ST3GAL1: variants seen among roughly 807,000 people sequenced by gnomAD.
The protein encoded by ST3GAL1 is CMP-N-acetylneuraminate-beta-galactosamide-alpha-2,3-sialyltransferase 1.
Under a neutral mutation model 34.1 loss-of-function variants are expected in ST3GAL1, and 16 were observed. The ratio of observed to expected loss-of-function variants is 0.47; its 90% CI spans 0.32 to 0.71. ST3GAL1 has a LOEUF of 0.71. ST3GAL1 is among the 30% of genes least tolerant of loss of function. ST3GAL1 has a pLI of 0.04. For missense variants in ST3GAL1, 353 were observed against 447.4 expected (o/e 0.79, Z 1.90); for synonymous variants, 191 against 184.7 (o/e 1.03, Z -0.28).
intron 2 of ST3GAL1, among the ~76,000 whole-genome samples, chr8:133,510,402 C>T (rs918177839): frequency 1.3e-5 from 2 of 152,136 alleles, no homozygotes; most frequent in African/African-American, 4.8e-5. Flanking sequence ...TGCTGCACAT[C>T]GTTAGAGAGG....
At chr8:133,485,373 G>A (rs1816544790) in intron 3 of ST3GAL1, among the ~76,000 whole-genome samples, 1 of 152,208 alleles carries the variant, frequency 6.6e-6, no homozygotes, top group Admixed American at 6.5e-5. Context: ...CCTCCAGGCA[G>A]CGGGGCAGCT....
At chr8:133,534,825 A>C (rs2978022) in intron 2 of ST3GAL1, among the ~76,000 whole-genome samples, 113,674 of 152,132 alleles carry the variant, frequency 0.75, 42,986 homozygotes, top group Middle Eastern at 0.87. Flanking sequence ...ACACACTGCA[A>C]CAGCCTTCAG....
At chr8:133,470,861 C>T (rs1300616948) in intron 5 of ST3GAL1, among the ~76,000 whole-genome samples, 1 of 152,182 alleles carries the variant, frequency 6.6e-6, no homozygotes, top group Non-Finnish European at 1.5e-5. Context: ...CCTCACCTCA[C>T]CCTGCACTCG....
intron 2 of ST3GAL1, among the ~76,000 whole-genome samples, chr8:133,519,621 C>T (rs539488939): frequency 2.0e-5 from 3 of 152,120 alleles, no homozygotes; most frequent in African/African-American, 4.8e-5. Context: ...GGGAAGTGTC[C>T]GAGAGATACA....
At chr8:133,547,262 C>T (rs1181420856) in intron 1 of ST3GAL1, among the ~76,000 whole-genome samples, 3 of 151,932 alleles carry the variant, frequency 2.0e-5, no homozygotes, top group African/African-American at 7.3e-5. Flanking sequence ...CTCTCTCTTG[C>T]TGCTGAGAAT....
chr8:133,462,898 T>C (rs572979881), intron 8 of ST3GAL1, among the ~76,000 whole-genome samples: 29 of 152,302 alleles, frequency 1.9e-4, no homozygotes, highest in Middle Eastern at 6.8e-3. Flanking sequence ...TTTCCTGACC[T>C]CTCCGAGCCT....
intron 1 of ST3GAL1, among the ~76,000 whole-genome samples, chr8:133,551,617 AGAGC>A (rs1041762436): frequency 2.8e-5 from 4 of 141,758 alleles, no homozygotes; most frequent in Admixed American, 7.4e-5. Context: ...AAAGAAAGAA[AGAGC>A]GAGCAAGCCT....
chr8:133,464,349 G>A lies in ST3GAL1; in HGVS notation c.683+429C>T, dbSNP rs180871323. 6.4e-4 allele frequency among the ~76,000 whole-genome samples: 98 copies of A among 152,286 alleles called. 2 individuals carry two copies. The East Asian group carries it at 0.018, about 27-fold the overall frequency. On this transcript the variant is annotated intron_variant, in intron 7 of 9. Transcript: ENST00000522652. Reference sequence around the variant, plus strand: ...TCAGCACTGCTTGCCCTGGGGAGGGGCCCAGGCTGCACCTGCACTCCCCAC... The same window carrying A: ...TCAGCACTGCTTGCCCTGGGGAGGGACCCAGGCTGCACCTGCACTCCCCAC...
In ST3GAL1 at chr8:133,465,914, G is replaced by A; in HGVS notation, c.483C>T (p.Asp161=). 2 of 1,614,094 alleles carry A rather than the reference G, an allele frequency of 1.2e-6. No individual in the cohort carries two copies. The highest frequency in any genetic ancestry group is 1.1e-5 in the South Asian group (1 of 91,084). The part of the protein sequence containing the change: ...LRESSYGPEI[D]SHDFVLRMNK... Reference sequence around the variant, plus strand: ...CTCACCTGAGGACAAAGTCGTGACTGTCTATCTCAGGCCCATAAGAAGACT... The same window carrying A: ...CTCACCTGAGGACAAAGTCGTGACTATCTATCTCAGGCCCATAAGAAGACT... Residue 161 remains aspartate, a synonymous_variant, in exon 6 of 10, where the codon GAC becomes GAT. Coordinates refer to ENST00000522652, the MANE Select transcript of ST3GAL1 (RefSeq NM_173344.3).
At chr8:133,480,601 C>G (rs1036527298) in intron 3 of ST3GAL1, among the ~76,000 whole-genome samples, 1 of 152,158 alleles carries the variant, frequency 6.6e-6, no homozygotes, top group Non-Finnish European at 1.5e-5. Flanking sequence ...CCCCAAGCCA[C>G]CAGGAGAGGT....
intron 3 of ST3GAL1, among the ~76,000 whole-genome samples, chr8:133,490,868 G>A (rs974817084): frequency 1.3e-5 from 2 of 152,190 alleles, no homozygotes; most frequent in Non-Finnish European, 2.9e-5. Context: ...GGAGTCTAGA[G>A]AGTGGCCCGG....
intron 2 of ST3GAL1, among the ~76,000 whole-genome samples, chr8:133,544,345 T>C (rs1818618755): frequency 6.6e-6 from 1 of 152,234 alleles, no homozygotes; most frequent in African/African-American, 2.4e-5. Context: ...CCAAGGCTCT[T>C]CCCAACCTGT....
chr8:133,562,653 T>C (rs1036188135), intron 1 of ST3GAL1, among the ~76,000 whole-genome samples: 2 of 152,166 alleles, frequency 1.3e-5, no homozygotes, highest in African/African-American at 2.4e-5. Context: ...CTGGCAGTTC[T>C]TTGCCCTTGT....
At chr8:133,481,991 C>G (rs1185938315) in intron 3 of ST3GAL1, among the ~76,000 whole-genome samples, 1 of 152,052 alleles carries the variant, frequency 6.6e-6, no homozygotes, top group Non-Finnish European at 1.5e-5. Flanking sequence ...CTCACTGACT[C>G]CCTCTACCTA....
At position 133,493,356 on chromosome 8, in the gene ST3GAL1, G is replaced by C. The variant is rs145651031; in HGVS notation, c.-374+5779C>G. ...AGACTGGAAGGGCAGGAGGTCTAGGGACGGCGATGGCAGAATGTGCCCAGC... is the reference window on the plus strand; with the variant it reads ...AGACTGGAAGGGCAGGAGGTCTAGGCACGGCGATGGCAGAATGTGCCCAGC... On this transcript the variant is annotated intron_variant, in intron 3 of 9. Transcript: ENST00000522652. Among the ~76,000 whole-genome samples the C allele has an allele frequency of 9.8e-5, 15 of 152,330 alleles. No homozygotes were observed. In the East Asian group the frequency reaches 2.9e-3, roughly 29 times the overall value.
chr8:133,497,455 A>ATTTTTTTTTTTTTT lies in ST3GAL1; in HGVS notation c.-374+1679_-374+1680insAAAAAAAAAAAAAA, dbSNP rs1816988627. 4.0e-5 allele frequency among the ~76,000 whole-genome samples: 4 copies of ATTTTTTTTTTTTTT among 101,242 alleles called. 2 individuals are homozygous for ATTTTTTTTTTTTTT. The highest frequency in any genetic ancestry group is 7.5e-5 in the African/African-American group (2 of 26,532). The allele number at this position is 101,242 out of a possible 152,430, so 66.4% of individuals were successfully genotyped here. A position where few individuals can be genotyped will look rare whatever the true frequency, so the allele number is the denominator to read the frequency against. On this transcript the variant is annotated intron_variant, in intron 3 of 9. Transcript: ENST00000522652. ...CTTCTCTCCCATGCAATTTTGTTGG[A>ATTTTTTTTTTTTTT]ATTTTTTTTTTTTTTTTTTTTTTTT...
At chr8:133,471,840 G>A (rs1815974654) in intron 5 of ST3GAL1, among the ~76,000 whole-genome samples, 1 of 152,102 alleles carries the variant, frequency 6.6e-6, no homozygotes. Flanking sequence ...TGGGCACTGG[G>A]CATGGATGTC....
chr8:133,477,763 G>A (rs1030302646), intron 3 of ST3GAL1, among the ~76,000 whole-genome samples: 4 of 151,934 alleles, frequency 2.6e-5, no homozygotes. Flanking sequence ...CCTGGAGCGT[G>A]GTCTTTTTGG....
chr8:133,534,373 A>T lies in ST3GAL1; in HGVS notation c.-429+11401T>A, dbSNP rs1258688333. 2.0e-5 allele frequency among the ~76,000 whole-genome samples: 3 copies of T among 151,358 alleles called. No homozygotes were observed. In the East Asian group the frequency reaches 5.8e-4, roughly 29 times the overall value. ...TATATGTTATAATATATATATGGAC[A>T]TATATATATTATAGGACATGGCACA... On this transcript the variant is annotated intron_variant, in intron 2 of 9. Transcript: ENST00000522652.
Sources: allele counts gnomAD v4.1 joint callset (sites outside exome capture counted in the v4.1 genomes callset), GRCh38; gene constraint gnomAD v4.1.1; transcripts MANE v1.5; gene names NCBI Gene and HGNC (gene_info 2026-07-23, HGNC 2026-07-21).